The following ZNF804A variants were observed in gnomAD, a reference collection of about 807,000 sequenced individuals.
The protein encoded by ZNF804A is zinc finger protein 804A.
In ZNF804A, 2 loss-of-function variants were observed where a neutral mutation model predicts 16.5. The ratio of observed to expected loss-of-function variants is 0.12; its 90% CI spans 0.05 to 0.38. The LOEUF is 0.38. Ranked by LOEUF, ZNF804A falls within the 10% of genes least tolerant of loss-of-function variation. The pLI is 0.99. For synonymous variants in ZNF804A, 534 were observed against 489.6 expected, an observed-to-expected ratio of 1.09 and a Z score of -1.20; for missense variants, 1,473 against 1,390.7, an observed-to-expected ratio of 1.06 and a Z score of -0.94.
intron 1 of ZNF804A, among the ~76,000 whole-genome samples, chr2:184,845,153 C>T (rs1253045053): frequency 6.6e-6 from 1 of 151,924 alleles, no homozygotes; most frequent in Non-Finnish European, 1.5e-5. Flanking sequence ...ACATATTAAT[C>T]ATAGTTACAT....
At chr2:184,875,931 C>A (rs1696047808) in intron 2 of ZNF804A, among the ~76,000 whole-genome samples, 1 of 152,114 alleles carries the variant, frequency 6.6e-6, no homozygotes, top group African/African-American at 2.4e-5. Flanking sequence ...ATTTGTCACA[C>A]TGATGCTTTG....
At chr2:184,813,182 G>T (rs546857842) in intron 1 of ZNF804A, among the ~76,000 whole-genome samples, 84 of 151,858 alleles carry the variant, frequency 5.5e-4, no homozygotes, top group Non-Finnish European at 8.8e-5. Context: ...CATACAAAGT[G>T]GTTTAAAATT....
intron 1 of ZNF804A, among the ~76,000 whole-genome samples, chr2:184,661,384 T>A (rs914597898): frequency 6.6e-6 from 1 of 152,026 alleles, no homozygotes; most frequent in Non-Finnish European, 1.5e-5. Context: ...CATAGCTGGG[T>A]GAGTTTCGGG....
intron 1 of ZNF804A, among the ~76,000 whole-genome samples, chr2:184,856,311 C>T (rs1033607686): frequency 4.6e-5 from 7 of 151,918 alleles, no homozygotes; most frequent in Non-Finnish European, 8.8e-5. Context: ...AGAGGAACCA[C>T]TTTCTCTTCC....
At chr2:184,648,819 C>T (rs548095294) in intron 1 of ZNF804A, among the ~76,000 whole-genome samples, 5 of 152,118 alleles carry the variant, frequency 3.3e-5, no homozygotes, top group Admixed American at 6.6e-5. Context: ...AATACTTACA[C>T]AGCTACACAA....
At chr2:184,774,258 T>A (rs936417581) in intron 1 of ZNF804A, among the ~76,000 whole-genome samples, 2 of 151,914 alleles carry the variant, frequency 1.3e-5, no homozygotes, top group African/African-American at 4.8e-5. Flanking sequence ...AGAATTTACA[T>A]CTATTTGGTA....
intron 1 of ZNF804A, among the ~76,000 whole-genome samples, chr2:184,858,544 G>A (rs190777364): frequency 2.6e-5 from 4 of 151,092 alleles, no homozygotes; most frequent in Admixed American, 2.6e-4. Flanking sequence ...AAATTTGAGA[G>A]CATTAAGAAA....
chr2:184,815,162 A>G (rs929734916), intron 1 of ZNF804A, among the ~76,000 whole-genome samples: 52 of 152,038 alleles, frequency 3.4e-4, no homozygotes, highest in Non-Finnish European at 6.2e-4. Flanking sequence ...CAGTGAAGTT[A>G]GTGTAAGAAG....
intron 1 of ZNF804A, among the ~76,000 whole-genome samples, chr2:184,800,062 T>C (rs545907485): frequency 6.6e-6 from 1 of 151,822 alleles, no homozygotes; most frequent in Non-Finnish European, 1.5e-5. Context: ...TTATCAGATA[T>C]GGGCATAGAA....
chr2:184,828,705 G>A (rs1695211412), intron 1 of ZNF804A, among the ~76,000 whole-genome samples: 1 of 151,736 alleles, frequency 6.6e-6, no homozygotes, highest in Non-Finnish European at 1.5e-5. Context: ...GAGAAAATTA[G>A]GCCCATTCTA....
intron 1 of ZNF804A, among the ~76,000 whole-genome samples, chr2:184,705,960 G>T (rs550619156): frequency 9.7e-4 from 148 of 152,196 alleles, no homozygotes; most frequent in African/African-American, 3.5e-3. Context: ...GAGGAAAGAG[G>T]CTGACTGCTA....
intron 1 of ZNF804A, among the ~76,000 whole-genome samples, chr2:184,742,145 C>T (rs907812003): frequency 6.6e-6 from 1 of 151,682 alleles, no homozygotes; most frequent in East Asian, 1.9e-4. Flanking sequence ...AAAAAGTAAC[C>T]TTTCTTTTTA....
chr2:184,710,748 T>A (rs1693112708), intron 1 of ZNF804A, among the ~76,000 whole-genome samples: 1 of 151,864 alleles, frequency 6.6e-6, no homozygotes, highest in Non-Finnish European at 1.5e-5. Context: ...CTCATATAAA[T>A]GAAATCATGC....
At chr2:184,654,172 C>CTA (rs1365144243) in intron 1 of ZNF804A, among the ~76,000 whole-genome samples, 2 of 152,206 alleles carry the variant, frequency 1.3e-5, no homozygotes, top group Non-Finnish European at 1.5e-5. Flanking sequence ...TCAGCTTTTG[C>CTA]TATAGCCCGG....
At chr2:184,868,761 G>C (rs1303960056) in intron 2 of ZNF804A, among the ~76,000 whole-genome samples, 1 of 151,858 alleles carries the variant, frequency 6.6e-6, no homozygotes, top group South Asian at 2.1e-4. Context: ...TCCTGTCCTT[G>C]AGTTTTGAGA....
intron 1 of ZNF804A, among the ~76,000 whole-genome samples, chr2:184,847,144 T>C (rs1695531977): frequency 6.6e-6 from 1 of 152,138 alleles, no homozygotes; most frequent in African/African-American, 2.4e-5. Context: ...TCTTTCTTTA[T>C]TACTGTTGAG....
rs1434403168 is a variant in ZNF804A at position 184,666,475 on chromosome 2, G to A, written c.111+67405G>A. Among the ~76,000 whole-genome samples the A allele has an allele frequency of 2.0e-5, 3 of 151,794 alleles. No homozygotes were observed. The East Asian group carries it at 5.8e-4, about 29-fold the overall frequency. On this transcript the variant is annotated intron_variant, in intron 1 of 3. Coordinates refer to ENST00000302277, the MANE Select transcript of ZNF804A (RefSeq NM_194250.2). Reference sequence around the variant, plus strand: ...ACAGTAGGAATAACATATGCAAATAGAAAAATGTACAATTTATATCTAATA... The same window carrying A: ...ACAGTAGGAATAACATATGCAAATAAAAAAATGTACAATTTATATCTAATA...
intron 1 of ZNF804A, among the ~76,000 whole-genome samples, chr2:184,829,765 T>C (rs781112767): frequency 4.6e-5 from 7 of 151,326 alleles, no homozygotes; most frequent in Non-Finnish European, 8.9e-5. Flanking sequence ...TTAAAACTTA[T>C]AAAATAAGAA....
chr2:184,706,150 C>G (rs2105734071), intron 1 of ZNF804A, among the ~76,000 whole-genome samples: 1 of 152,254 alleles, frequency 6.6e-6, no homozygotes, highest in South Asian at 2.1e-4. Context: ...AAGTCCCTGA[C>G]CATTCAGCCA....
Sources: gnomAD v4.1 joint callset for allele counts (sites outside exome capture counted in the v4.1 genomes callset) on GRCh38, gnomAD v4.1.1 for gene constraint, MANE v1.5 for transcripts, NCBI Gene and HGNC (gene_info 2026-07-23, HGNC 2026-07-21) for gene names.